The following HS3ST2 variants were observed in gnomAD, a reference collection of about 807,000 sequenced individuals.
HS3ST2 encodes the protein heparan sulfate glucosamine 3-O-sulfotransferase 2.
HS3ST2 carries 17 observed loss-of-function variants against 26.3 expected under a neutral mutation model. The ratio of observed to expected loss-of-function variants is 0.65; its 90% CI spans 0.44 to 0.97. HS3ST2 has a LOEUF of 0.97. Ranked by LOEUF, HS3ST2 falls within the 50% of genes least tolerant of loss-of-function variation. The pLI is 0.00. For missense variants in HS3ST2, 402 were observed against 501.2 expected, an observed-to-expected ratio of 0.80 and a Z score of 1.89; for synonymous variants, 237 against 219.2, an observed-to-expected ratio of 1.08 and a Z score of -0.72.
intron 1 of HS3ST2, among the ~76,000 whole-genome samples, chr16:22,821,181 C>T (rs1011023411): frequency 1.1e-4 from 17 of 152,074 alleles, no homozygotes; most frequent in Non-Finnish European, 1.8e-4. Flanking sequence ...CTGGTACTCA[C>T]AGGAGATAAG....
rs181290065 is a variant in HS3ST2 at position 22,891,048 on chromosome 16, C to T, written c.486-23896C>T. ...TAATTAGTTGTGGAATTTTAAAAAA[C>T]GAGCAGATGTGCTATGGTGAAATGC... On this transcript the variant is annotated intron_variant, in intron 1 of 1. Coordinates refer to ENST00000261374, the MANE Select transcript of HS3ST2 (RefSeq NM_006043.2). Among the ~76,000 whole-genome samples, 11 of 152,310 alleles carry T rather than the reference C, an allele frequency of 7.2e-5. No individual in the cohort carries two copies. The East Asian group carries it at 7.7e-4, about 11-fold the overall frequency.
At chr16:22,882,730 T>C (rs563737338) in intron 1 of HS3ST2, among the ~76,000 whole-genome samples, 64 of 142,726 alleles carry the variant, frequency 4.5e-4, no homozygotes, top group Admixed American at 2.8e-4. Flanking sequence ...GACTCCATCT[T>C]AAACAAACAA....
chr16:22,840,353 A>G (rs1252110995), intron 1 of HS3ST2, among the ~76,000 whole-genome samples: 1 of 151,690 alleles, frequency 6.6e-6, no homozygotes, highest in Admixed American at 6.6e-5. Context: ...AACCTTTGCA[A>G]TTTACCAGCA....
At chr16:22,849,731 G>A (rs1455172226) in intron 1 of HS3ST2, among the ~76,000 whole-genome samples, 1 of 152,132 alleles carries the variant, frequency 6.6e-6, no homozygotes, top group East Asian at 1.9e-4. Context: ...GCTTGATTCA[G>A]GACACAAACT....
intron 1 of HS3ST2, among the ~76,000 whole-genome samples, chr16:22,914,591 G>A (rs1902465444): frequency 6.7e-6 from 1 of 149,542 alleles, no homozygotes; most frequent in Non-Finnish European, 1.5e-5. Context: ...TGTAGTCCCA[G>A]CTACTTGGGA....
chr16:22,856,562 A>T (rs1596615979), intron 1 of HS3ST2, among the ~76,000 whole-genome samples: 1 of 151,946 alleles, frequency 6.6e-6, no homozygotes, highest in African/African-American at 2.4e-5. Context: ...AAAACACATA[A>T]CCTCCACTAA....
chr16:22,830,881 G>A (rs1397743329), intron 1 of HS3ST2, among the ~76,000 whole-genome samples: 1 of 152,146 alleles, frequency 6.6e-6, no homozygotes, highest in Non-Finnish European at 1.5e-5. Flanking sequence ...TTACTCAAAT[G>A]CATTTACCTA....
intron 1 of HS3ST2, among the ~76,000 whole-genome samples, chr16:22,836,858 A>G (rs972699064): frequency 6.6e-6 from 1 of 152,026 alleles, no homozygotes; most frequent in Admixed American, 6.6e-5. Context: ...GGGTTTCACC[A>G]TGTTGGCCAG....
chr16:22,896,731 T>G (rs770084269), intron 1 of HS3ST2, among the ~76,000 whole-genome samples: 1 of 152,216 alleles, frequency 6.6e-6, no homozygotes, highest in African/African-American at 2.4e-5. Context: ...TTTTCTGGTC[T>G]TAACTGTGTT....
chr16:22,850,112 A>G (rs1158533590), intron 1 of HS3ST2, among the ~76,000 whole-genome samples: 3 of 152,218 alleles, frequency 2.0e-5, no homozygotes, highest in Non-Finnish European at 4.4e-5. Flanking sequence ...TCTGACATTT[A>G]CATTTAACTG....
chr16:22,878,594 G>T (rs954770054), intron 1 of HS3ST2, among the ~76,000 whole-genome samples: 8 of 150,924 alleles, frequency 5.3e-5, no homozygotes, highest in African/African-American at 7.4e-5. Flanking sequence ...GATATGAAGC[G>T]GGGGCCTAAC....
At chr16:22,889,440 T>C (rs915664333) in intron 1 of HS3ST2, among the ~76,000 whole-genome samples, 6 of 152,060 alleles carry the variant, frequency 3.9e-5, no homozygotes, top group South Asian at 2.1e-4. Flanking sequence ...AATCTGAAAA[T>C]CCAAAATTTG....
intron 1 of HS3ST2, among the ~76,000 whole-genome samples, chr16:22,912,222 T>C (rs1902432422): frequency 6.6e-6 from 1 of 152,184 alleles, no homozygotes; most frequent in African/African-American, 2.4e-5. Flanking sequence ...TAGAGTGAAA[T>C]TTCTGAGTTA....
chr16:22,868,435 G>T (rs563172813), intron 1 of HS3ST2, among the ~76,000 whole-genome samples: 5 of 146,592 alleles, frequency 3.4e-5, no homozygotes, highest in Non-Finnish European at 7.4e-5. Context: ...AAAAAAGTCT[G>T]GAAGGATCTA....
At chr16:22,830,125 A>T (rs998818306) in intron 1 of HS3ST2, among the ~76,000 whole-genome samples, 1 of 149,976 alleles carries the variant, frequency 6.7e-6, no homozygotes, top group Admixed American at 6.6e-5. Flanking sequence ...TCGCTGTAGG[A>T]TGTTGAGTTT....
intron 1 of HS3ST2, among the ~76,000 whole-genome samples, chr16:22,843,205 C>G (rs1202977996): frequency 6.6e-6 from 1 of 151,934 alleles, no homozygotes; most frequent in East Asian, 1.9e-4. Context: ...TGCCATGTAT[C>G]CCAAGTGTGG....
At chr16:22,874,748 T>C (rs1374622083) in intron 1 of HS3ST2, among the ~76,000 whole-genome samples, 1 of 152,212 alleles carries the variant, frequency 6.6e-6, no homozygotes, top group Admixed American at 6.5e-5. Context: ...CTTGACCCAA[T>C]GACAAATCTC....
At chr16:22,841,335 A>G (rs901212833) in intron 1 of HS3ST2, among the ~76,000 whole-genome samples, 5 of 152,144 alleles carry the variant, frequency 3.3e-5, no homozygotes, top group African/African-American at 4.8e-5. Flanking sequence ...TGCTGGGATT[A>G]CAGGCATGAG....
intron 1 of HS3ST2, among the ~76,000 whole-genome samples, chr16:22,895,165 C>T (rs1318998899): frequency 1.3e-5 from 2 of 151,550 alleles, no homozygotes; most frequent in East Asian, 3.9e-4. Flanking sequence ...TCTCAGCCCA[C>T]TGCAACCTCC....
Sources: allele counts gnomAD v4.1 joint callset (sites outside exome capture counted in the v4.1 genomes callset), GRCh38; gene constraint gnomAD v4.1.1; transcripts MANE v1.5; gene names NCBI Gene and HGNC (gene_info 2026-07-23, HGNC 2026-07-21).